VPS13B: variants seen among roughly 807,000 people sequenced by gnomAD.
VPS13B encodes the protein vacuolar protein sorting 13 homolog B, also known as intermembrane lipid transfer protein VPS13B.
VPS13B carries 285 observed loss-of-function variants against 426.4 expected under a neutral mutation model. The ratio of observed to expected loss-of-function variants is 0.67; its 90% CI spans 0.61 to 0.74. The LOEUF (loss-of-function observed/expected upper bound fraction) is 0.74, where lower values mean the gene tolerates loss of function less well. Ranked by LOEUF, VPS13B falls within the 30% of genes least tolerant of loss-of-function variation. VPS13B has a pLI of 0.00. For missense variants in VPS13B, 4,537 were observed against 4,782.6 expected (o/e 0.95, Z 1.51); for synonymous variants, 1,676 against 1,676.4 (o/e 1.00, Z 0.01).
chr8:99,034,791 T>C (rs2132209796), intron 2 of VPS13B, among the ~76,000 whole-genome samples: 1 of 152,308 alleles, frequency 6.6e-6, no homozygotes, highest in South Asian at 2.1e-4. Flanking sequence ...TGTTTTGTCA[T>C]TGCTTTTTGG....
chr8:99,370,909 C>A (rs769154158), intron 19 of VPS13B, among the ~76,000 whole-genome samples: 5 of 151,998 alleles, frequency 3.3e-5, no homozygotes, highest in African/African-American at 9.7e-5. Flanking sequence ...TGTGCCCAAC[C>A]TTAAGTTTTT....
chr8:99,681,602 A>G (rs1191544539), intron 35 of VPS13B, among the ~76,000 whole-genome samples: 2 of 152,222 alleles, frequency 1.3e-5, no homozygotes, highest in Non-Finnish European at 2.9e-5. Context: ...TAGGAGTTTG[A>G]GTCTGCAGTG....
intron 17 of VPS13B, chr8:99,232,923 C>G: frequency 1.7e-6 from 1 of 586,594 alleles, no homozygotes; most frequent in Non-Finnish European, 3.1e-6. Flanking sequence ...GCCGCCTCCG[C>G]AGACTTCTCA....
chr8:99,216,088 G>C (rs1002541449), intron 17 of VPS13B, among the ~76,000 whole-genome samples: 3 of 152,204 alleles, frequency 2.0e-5, no homozygotes, highest in African/African-American at 4.8e-5. Context: ...GGTATGAGTA[G>C]TAGGTAGGCA....
chr8:99,094,705 G>A (rs7819569), intron 3 of VPS13B, among the ~76,000 whole-genome samples: 4,157 of 152,084 alleles, frequency 0.027, 173 homozygotes, highest in African/African-American at 0.092. Context: ...TCTTATTGTC[G>A]TTCTTATTTG....
At chr8:99,163,388 C>A (rs1382562384) in intron 15 of VPS13B, among the ~76,000 whole-genome samples, 1 of 152,230 alleles carries the variant, frequency 6.6e-6, no homozygotes, top group East Asian at 1.9e-4. Flanking sequence ...CAGTCCTGCA[C>A]CGTGCACTCG....
rs1490580498 is a variant in VPS13B at position 99,316,220 on chromosome 8, C to T, written c.2824+40966C>T. Among the ~76,000 whole-genome samples, 9 of 152,228 alleles carry T rather than the reference C, an allele frequency of 5.9e-5. No individual in the cohort carries two copies. In the South Asian group the frequency reaches 1.5e-3, roughly 25 times the overall value. On this transcript the variant is annotated intron_variant, in intron 19 of 61. Transcript: ENST00000357162. ...TAGGGTGCTTATAAATGCACAGTTG[C>T]TTTGCTACTTGGAGTGGCAGGGCCA...
intron 3 of VPS13B, among the ~76,000 whole-genome samples, chr8:99,050,368 C>G (rs1273618068): frequency 2.0e-5 from 3 of 152,132 alleles, no homozygotes; most frequent in Admixed American, 2.0e-4. Flanking sequence ...ATGAACTCAT[C>G]CTTTTTTATG....
intron 2 of VPS13B, among the ~76,000 whole-genome samples, chr8:99,036,362 A>T (rs1377549575): frequency 1.3e-5 from 2 of 152,218 alleles, no homozygotes; most frequent in East Asian, 1.9e-4. Flanking sequence ...ACTAAAAGTT[A>T]TACATAAATA....
rs560626270 is a variant in VPS13B at position 99,588,250 on chromosome 8, A to G, written c.5220+10617A>G. Among the ~76,000 whole-genome samples, 11 of 151,816 alleles carry G rather than the reference A, an allele frequency of 7.2e-5. No individual in the cohort carries two copies. The South Asian group carries it at 1.0e-3, about 14-fold the overall frequency. ...GTAGTATAGTTTGAAGTCAGGTAGCACGATGCCTCCAGCTTTGTTCTTTTT... is the reference window on the plus strand; with the variant it reads ...GTAGTATAGTTTGAAGTCAGGTAGCGCGATGCCTCCAGCTTTGTTCTTTTT... On this transcript the variant is annotated intron_variant, in intron 33 of 61. Coordinates refer to ENST00000357162, the MANE Select transcript of VPS13B (RefSeq NM_152564.5).
rs2130181658 is a variant in VPS13B, at chr8:99,699,920, CA to C, written c.6447del (p.Val2150TyrfsTer4). The C allele has an allele frequency of 6.2e-7, 1 of 1,613,494 alleles. No individual in the cohort carries two copies. Among genetic ancestry groups the C allele is most frequent in the Non-Finnish European group, 8.5e-7 (1 of 1,179,862 alleles). On this transcript the variant is annotated frameshift_variant, in exon 36 of 62. Transcript: ENST00000357162. LOFTEE classifies it high-confidence loss of function. ...TGGAAGCCTTAGTGTCAAGGCAACA[CA>C]AAAAGTACCTGGTAAGTCACAGAAA... The part of the protein sequence containing the change: ...LNGSLSVKAT[Q>X]KVPGIILGSS...
intron 21 of VPS13B, among the ~76,000 whole-genome samples, chr8:99,422,165 A>T (rs1258869364): frequency 1.3e-5 from 2 of 152,168 alleles, no homozygotes; most frequent in Non-Finnish European, 1.5e-5. Context: ...CTTGACTATC[A>T]TCATTTAGAA....
At chr8:99,297,051 G>A (rs553662866) in intron 19 of VPS13B, among the ~76,000 whole-genome samples, 2 of 152,014 alleles carry the variant, frequency 1.3e-5, no homozygotes, top group East Asian at 1.9e-4. Context: ...AAGACATCTC[G>A]TGTACTCATG....
At position 99,403,314 on chromosome 8, in the gene VPS13B, C is replaced by T. The variant is rs1484290588; in HGVS notation, c.3082+11610C>T. Among the ~76,000 whole-genome samples, 5 of 151,996 alleles carry T rather than the reference C, an allele frequency of 3.3e-5. No homozygotes were observed. In the East Asian group the frequency reaches 7.7e-4, roughly 23 times the overall value. ...ATGTAATTGAAGCACTTTAAGAGGT[C>T]GAGGTGGGCAGATCACCTGAGGCCA... On this transcript the variant is annotated intron_variant, in intron 21 of 61. Coordinates refer to ENST00000357162, the MANE Select transcript of VPS13B (RefSeq NM_152564.5).
In VPS13B at chr8:99,642,267, C is replaced by T. The variant is rs758410065; in HGVS notation, c.5677C>T (p.Leu1893Phe). ...PSGKKIGVLS[L>F]ESLHASTRSS... ...AGGGAAAAAAATAGGGGTCCTCTCT[C>T]TTGAAAGTCTTCATGCATCCACAAG... Residue 1893 changes from leucine to phenylalanine, a missense_variant, in exon 34 of 62, where the codon CTT (leucine) becomes TTT (phenylalanine). This residue lies in a region of VPS13B where 4,311 missense variants were observed against 4,474.3 expected (regional missense o/e 0.96). Coordinates refer to ENST00000357162, the MANE Select transcript of VPS13B (RefSeq NM_152564.5). 7 of 1,614,166 alleles carry T rather than the reference C, an allele frequency of 4.3e-6. No homozygotes were observed. Among genetic ancestry groups the T allele is most frequent in the Non-Finnish European group, 5.1e-6 (6 of 1,180,018 alleles).
In VPS13B at chr8:99,744,970, T is replaced by TA. The variant is rs543436063; in HGVS notation, c.7051-21794dup. ...ATGTACCCTAAAACTTAAAGTATAA[T>TA]AAAAAAAAAAGAACCTATCAGTTTT... On this transcript the variant is annotated intron_variant, in intron 39 of 61. Transcript: ENST00000357162. Among the ~76,000 whole-genome samples the TA allele has an allele frequency of 2.2e-3, 327 of 147,226 alleles. 3 individuals are homozygous for TA. Among genetic ancestry groups the TA allele is most frequent in the South Asian group, 0.014 (66 of 4,660 alleles).
At chr8:99,222,535 A>G (rs1197487965) in intron 17 of VPS13B, among the ~76,000 whole-genome samples, 8 of 152,212 alleles carry the variant, frequency 5.3e-5, no homozygotes, top group Admixed American at 5.2e-4. Flanking sequence ...ATGAAGGGTA[A>G]CAGGGTTTTC....
At chr8:99,050,226 T>C (rs1184581039) in intron 3 of VPS13B, among the ~76,000 whole-genome samples, 1 of 151,808 alleles carries the variant, frequency 6.6e-6, no homozygotes, top group Non-Finnish European at 1.5e-5. Context: ...GATGTTCCCC[T>C]TCCTGTGTCT....
chr8:99,236,143 A>G (rs958050950), intron 17 of VPS13B, among the ~76,000 whole-genome samples: 1 of 152,170 alleles, frequency 6.6e-6, no homozygotes, highest in African/African-American at 2.4e-5. Context: ...TTCATCCACT[A>G]TCATGGGTCA....
Sources: allele counts gnomAD v4.1 joint callset (sites outside exome capture counted in the v4.1 genomes callset), GRCh38; gene constraint gnomAD v4.1.1; regional missense constraint gnomAD v4.1.1; transcripts MANE v1.5; gene names NCBI Gene and HGNC (gene_info 2026-07-23, HGNC 2026-07-21).